Variants in TBX5 observed in about 807,000 individuals in gnomAD.
TBX5 encodes the protein T-box transcription factor TBX5.
A neutral mutation model predicts 51.1 loss-of-function variants in TBX5; 8 were observed. That is an observed-to-expected ratio of 0.16 (90% CI 0.09 to 0.28). The LOEUF (loss-of-function observed/expected upper bound fraction) is 0.28. Ranked by LOEUF, TBX5 falls within the 10% of genes least tolerant of loss-of-function variation. The probability of loss-of-function intolerance (pLI) is 1.00; values close to 1 mark genes in which losing one functional copy is unlikely to be tolerated. For synonymous variants in TBX5, 302 were observed against 266.4 expected (o/e 1.13, Z -1.30); for missense variants, 589 against 671.7 (o/e 0.88, Z 1.36).
intron 2 of TBX5, 40 bp downstream of exon 2, chr12:114,403,712 T>C: frequency 6.2e-7 from 1 of 1,605,968 alleles, no homozygotes; most frequent in East Asian, 2.2e-5. Flanking sequence ...ACTCTGACTT[T>C]GATCTCTGCA....
At chr12:114,385,857 A>G (rs1211729382) in intron 6 of TBX5, among the ~76,000 whole-genome samples, 1 of 131,670 alleles carries the variant, frequency 7.6e-6, no homozygotes, top group Non-Finnish European at 1.7e-5. Context: ...TTTTTTTTCC[A>G]ATCTTGCATT....
chr12:114,378,783 A>C (rs1423669431), intron 7 of TBX5, among the ~76,000 whole-genome samples: 5 of 151,982 alleles, frequency 3.3e-5, no homozygotes, highest in Admixed American at 6.6e-5. Context: ...ATTACAGGTG[A>C]GCACCACCAC....
upstream of TBX5, chr12:114,406,940 C>G: frequency 3.4e-6 from 2 of 585,264 alleles, no homozygotes; most frequent in Non-Finnish European, 4.3e-6. Flanking sequence ...ATTGGGACAC[C>G]GAATATTGGT....
At chr12:114,371,720 C>T (rs935292604) in intron 7 of TBX5, among the ~76,000 whole-genome samples, 2 of 151,428 alleles carry the variant, frequency 1.3e-5, no homozygotes, top group South Asian at 2.1e-4. Context: ...TTCCTCTTCT[C>T]GATAGCATTT....
chr12:114,383,498 T>C (rs1304799480), intron 7 of TBX5, among the ~76,000 whole-genome samples: 3 of 152,096 alleles, frequency 2.0e-5, no homozygotes, highest in African/African-American at 7.2e-5. Context: ...CCAAACCTTA[T>C]AGTGATGGCA....
chr12:114,383,693 G>A (rs143515940), intron 7 of TBX5, among the ~76,000 whole-genome samples: 303 of 152,298 alleles, frequency 2.0e-3, no homozygotes, highest in African/African-American at 6.7e-3. Flanking sequence ...GCTGAATTCC[G>A]AGTTATGCTG....
rs1441779028 is a variant in TBX5 at position 114,370,312 on chromosome 12, G to GAAAAC, written c.756-3922_756-3921insGTTTT. On this transcript the variant is annotated intron_variant, in intron 7 of 8. Transcript: ENST00000405440. ...AGAAAGAAAAGAAAAGAAAAGAAAA[G>GAAAAC]AAAGAAAAGAAAAGAAAAGAGAAAA... 8.4e-4 allele frequency among the ~76,000 whole-genome samples: 99 copies of GAAAAC among 117,908 alleles called. 2 individuals are homozygous for GAAAAC. The highest frequency in any genetic ancestry group is 3.1e-3 in the African/African-American group (90 of 29,132). The allele number at this position is 117,908 out of a possible 152,430, so 77.4% of individuals were successfully genotyped here.
intron 8 of TBX5, among the ~76,000 whole-genome samples, chr12:114,360,975 A>G (rs1565925683): frequency 6.6e-6 from 1 of 152,154 alleles, no homozygotes; most frequent in African/African-American, 2.4e-5. Flanking sequence ...GGCTTATTAT[A>G]TGTCTCATCC....
chr12:114,389,913 T>C (rs1871067125), intron 6 of TBX5, among the ~76,000 whole-genome samples: 1 of 151,486 alleles, frequency 6.6e-6, no homozygotes, highest in Non-Finnish European at 1.5e-5. Context: ...TGAGAATTAG[T>C]GCTCAGTCCA....
intron 2 of TBX5, 122 bp from the exon 3 acceptor site, chr12:114,402,042 G>T: frequency 1.1e-6 from 1 of 894,050 alleles, no homozygotes; most frequent in South Asian, 1.4e-5. Flanking sequence ...GTCTCAGAGA[G>T]TAAAAAGTGG....
At chr12:114,398,828 G>T in intron 4 of TBX5, 108 bp from the exon 5 acceptor site, 3 of 1,363,082 alleles carry the variant, frequency 2.2e-6, no homozygotes, top group Non-Finnish European at 3.1e-6. Flanking sequence ...TTGAGTAGTA[G>T]CTGGGAATAA....
At chr12:114,393,613 C>T (rs1457466742) in intron 6 of TBX5, among the ~76,000 whole-genome samples, 1 of 152,198 alleles carries the variant, frequency 6.6e-6, no homozygotes. Context: ...GATCCTCCCC[C>T]ACCCTCCAAC....
chr12:114,356,554 A>AC lies in TBX5; in HGVS notation c.983-449dup, dbSNP rs199764297. 7.2e-3 allele frequency among the ~76,000 whole-genome samples: 1,095 copies of AC among 151,788 alleles called. 9 individuals are homozygous for AC. Among genetic ancestry groups the AC allele is most frequent in the African/African-American group, 0.024 (983 of 41,362 alleles). On this transcript the variant is annotated intron_variant, in intron 8 of 8. Coordinates refer to ENST00000405440, the MANE Select transcript of TBX5 (RefSeq NM_181486.4). Reference sequence around the variant, plus strand: ...AGACCAGCCTGGGCAACATAGTGAGACCCCCCATCTCAAAAATAAATAAAT... The same window carrying AC: ...AGACCAGCCTGGGCAACATAGTGAGACCCCCCCATCTCAAAAATAAATAAAT...
At chr12:114,372,832 G>C (rs10850332) in intron 7 of TBX5, among the ~76,000 whole-genome samples, 20,622 of 152,000 alleles carry the variant, frequency 0.14, 1,574 homozygotes, top group East Asian at 0.35. Context: ...CAGTATCCAG[G>C]CACGAACTAG....
intron 8 of TBX5, among the ~76,000 whole-genome samples, chr12:114,357,963 AG>A (rs1869014146): frequency 6.6e-6 from 1 of 152,236 alleles, no homozygotes; most frequent in Non-Finnish European, 1.5e-5. Context: ...TTATTTATTG[AG>A]TACCTACTAC....
At chr12:114,391,292 T>C (rs1437429193) in intron 6 of TBX5, among the ~76,000 whole-genome samples, 1 of 152,250 alleles carries the variant, frequency 6.6e-6, no homozygotes, top group African/African-American at 2.4e-5. Context: ...ATATTTGCAG[T>C]TGTTTTTCAA....
intron 6 of TBX5, among the ~76,000 whole-genome samples, chr12:114,392,761 C>G (rs1439501802): frequency 1.3e-5 from 2 of 151,940 alleles, no homozygotes; most frequent in Non-Finnish European, 2.9e-5. Context: ...AAGCTAAACA[C>G]AGGTTTACAG....
intron 8 of TBX5, among the ~76,000 whole-genome samples, chr12:114,357,115 C>A (rs1184998096): frequency 6.6e-6 from 1 of 152,082 alleles, no homozygotes; most frequent in Non-Finnish European, 1.5e-5. Flanking sequence ...TAAGCATGTG[C>A]CTAGTTAGTA....
chr12:114,393,080 G>A (rs1871246107), intron 6 of TBX5, among the ~76,000 whole-genome samples: 1 of 152,140 alleles, frequency 6.6e-6, no homozygotes, highest in Admixed American at 6.5e-5. Context: ...ACAGCATTTT[G>A]GAACAGTCCC....
Sources: allele counts gnomAD v4.1 joint callset (sites outside exome capture counted in the v4.1 genomes callset), GRCh38; gene constraint gnomAD v4.1.1; transcripts MANE v1.5; gene names NCBI Gene and HGNC (gene_info 2026-07-23, HGNC 2026-07-21).